The following ANKFN1 variants were observed in gnomAD, a reference collection of about 807,000 sequenced individuals.
ANKFN1 encodes ankyrin repeat and fibronectin type III domain containing 1, also known as ankyrin repeat and fibronectin type-III domain-containing protein 1.
Under a neutral mutation model 108.7 loss-of-function variants are expected in ANKFN1, and 74 were observed. That is an observed-to-expected ratio of 0.68 (90% CI 0.56 to 0.83). ANKFN1 has a LOEUF of 0.83. Ranked by LOEUF, ANKFN1 falls within the 40% of genes least tolerant of loss-of-function variation. The probability of loss-of-function intolerance (pLI) is 0.00; values close to 1 mark genes in which losing one functional copy is unlikely to be tolerated. For missense variants in ANKFN1, 1,505 were observed against 1,382.3 expected (o/e 1.09, Z -1.41); for synonymous variants, 547 against 516.2 (o/e 1.06, Z -0.81).
At chr17:56,448,693 T>A (rs1278641802) in intron 10 of ANKFN1, among the ~76,000 whole-genome samples, 1 of 152,184 alleles carries the variant, frequency 6.6e-6, no homozygotes, top group Admixed American at 6.5e-5. Flanking sequence ...TCTTTCCTAC[T>A]GTGAAAATCC....
chr17:56,148,006 G>A (rs1344573166), intron 4 of ANKFN1, among the ~76,000 whole-genome samples: 1 of 152,194 alleles, frequency 6.6e-6, no homozygotes, highest in Admixed American at 6.5e-5. Context: ...AAGAACTGGT[G>A]TTACTCCTGT....
At chr17:56,116,385 A>T (rs916636465) in intron 4 of ANKFN1, among the ~76,000 whole-genome samples, 1 of 152,186 alleles carries the variant, frequency 6.6e-6, no homozygotes, top group South Asian at 2.1e-4. Context: ...TATTGTTTGC[A>T]TATGGTTTGT....
intron 5 of ANKFN1, among the ~76,000 whole-genome samples, 174 bp downstream of exon 5, chr17:56,351,141 G>C (rs2046237573): frequency 6.6e-6 from 1 of 152,024 alleles, no homozygotes; most frequent in East Asian, 1.9e-4. Context: ...GTTAGACAAA[G>C]TCTGAGTGAT....
At chr17:56,447,100 G>A (rs541351909) in intron 10 of ANKFN1, among the ~76,000 whole-genome samples, 10 of 152,168 alleles carry the variant, frequency 6.6e-5, no homozygotes, top group East Asian at 3.9e-4. Context: ...GCACACACCT[G>A]TAGTCCTAGC....
At chr17:56,140,823 A>G (rs536571121) in intron 4 of ANKFN1, among the ~76,000 whole-genome samples, 15 of 152,304 alleles carry the variant, frequency 9.8e-5, no homozygotes, top group Admixed American at 8.5e-4. Flanking sequence ...TATGTTCACT[A>G]CTAATATATC....
chr17:56,188,351 A>G (rs1213808097), intron 1 of ANKFN1, among the ~76,000 whole-genome samples: 1 of 151,642 alleles, frequency 6.6e-6, no homozygotes, highest in Admixed American at 6.6e-5. Flanking sequence ...AGGAAGAGGA[A>G]TCTCTCTTAA....
At chr17:56,126,443 C>T (rs1567795793) in intron 4 of ANKFN1, among the ~76,000 whole-genome samples, 1 of 152,056 alleles carries the variant, frequency 6.6e-6, no homozygotes, top group Non-Finnish European at 1.5e-5. Context: ...GGGGAGGCTT[C>T]GTCATATGTT....
chr17:56,228,296 T>C (rs731445), intron 3 of ANKFN1: 59,153 of 234,316 alleles, frequency 0.25, 8,129 homozygotes, highest in African/African-American at 0.37. Context: ...TAATTTATTA[T>C]TCTTTTCCCA....
At chr17:56,422,448 T>G (rs1358506409) in intron 8 of ANKFN1, among the ~76,000 whole-genome samples, 2 of 151,178 alleles carry the variant, frequency 1.3e-5, no homozygotes, top group African/African-American at 4.9e-5. Context: ...CACACATGCA[T>G]GCACACACAT....
intron 4 of ANKFN1, among the ~76,000 whole-genome samples, chr17:56,122,179 T>C (rs1906663951): frequency 6.6e-6 from 1 of 152,172 alleles, no homozygotes; most frequent in South Asian, 2.1e-4. Context: ...AGGAGGAAGA[T>C]ATAGGGAGAT....
At chr17:56,202,013 T>C (rs1914106989) in intron 1 of ANKFN1, among the ~76,000 whole-genome samples, 1 of 152,186 alleles carries the variant, frequency 6.6e-6, no homozygotes, top group Non-Finnish European at 1.5e-5. Context: ...CCAGAGATGC[T>C]TCTGGAGGCA....
At chr17:56,499,266 A>G (rs1387117511) in intron 20 of ANKFN1, among the ~76,000 whole-genome samples, 168 bp downstream of exon 20, 1 of 152,174 alleles carries the variant, frequency 6.6e-6, no homozygotes, top group Non-Finnish European at 1.5e-5. Context: ...ATAGTAGAGG[A>G]ATAGGAAAAC....
intron 2 of ANKFN1, among the ~76,000 whole-genome samples, chr17:56,220,596 G>T (rs1915758588): frequency 6.6e-6 from 1 of 152,054 alleles, no homozygotes; most frequent in Admixed American, 6.6e-5. Flanking sequence ...GGAGGTTGAG[G>T]CTGCAGTGAG....
chr17:56,396,315 G>GCACACGCCT (rs1433385264), intron 8 of ANKFN1, among the ~76,000 whole-genome samples: 3 of 152,150 alleles, frequency 2.0e-5, no homozygotes, highest in Admixed American at 2.0e-4. Flanking sequence ...GGGCATGGTG[G>GCACACGCCT]CACACGCCTG....
At chr17:56,190,735 G>A (rs1737729003) in intron 1 of ANKFN1, among the ~76,000 whole-genome samples, 1 of 143,150 alleles carries the variant, frequency 7.0e-6, no homozygotes, top group South Asian at 2.4e-4. Context: ...AGGTCCGCTT[G>A]GTGCAGAGCT....
At chr17:56,234,064 A>T (rs1456197601) in intron 3 of ANKFN1, among the ~76,000 whole-genome samples, 1 of 152,134 alleles carries the variant, frequency 6.6e-6, no homozygotes, top group Non-Finnish European at 1.5e-5. Context: ...CATTCTCATC[A>T]CTTTCTTAAA....
At chr17:56,095,317 G>C (rs1039902182) in intron 4 of ANKFN1, among the ~76,000 whole-genome samples, 2 of 147,234 alleles carry the variant, frequency 1.4e-5, no homozygotes, top group Admixed American at 6.8e-5. Flanking sequence ...TCTGATACGT[G>C]GTCTTATTCA....
At chr17:56,153,466 C>T, upstream of ANKFN1, 4 of 1,612,976 alleles carry the variant, frequency 2.5e-6, no homozygotes, top group South Asian at 1.1e-5. Context: ...TCCCTCCACC[C>T]CCCAGGTCCT....
At chr17:56,087,809 C>T (rs769387789) in intron 4 of ANKFN1, among the ~76,000 whole-genome samples, 16 of 151,286 alleles carry the variant, frequency 1.1e-4, no homozygotes, top group South Asian at 2.1e-4. Flanking sequence ...TAATCCATGG[C>T]GGCTTTGGCA....
Sources: allele counts gnomAD v4.1 joint callset (sites outside exome capture counted in the v4.1 genomes callset), GRCh38; gene constraint gnomAD v4.1.1; transcripts MANE v1.5; gene names NCBI Gene and HGNC (gene_info 2026-07-23, HGNC 2026-07-21).